The following CHRNA7 variants were observed in gnomAD, a reference collection of about 807,000 sequenced individuals.
CHRNA7 encodes neuronal acetylcholine receptor subunit alpha-7.
In CHRNA7, 17 loss-of-function variants were observed where a neutral mutation model predicts 48.0. The observed-to-expected ratio is 0.35, with a 90% CI of 0.24 to 0.53. CHRNA7 has a LOEUF of 0.53. Among genes scored for constraint, CHRNA7 ranks in the 20% least tolerant of loss-of-function variants. CHRNA7 has a pLI of 0.92. For synonymous variants in CHRNA7, 75 were observed against 242.3 expected (o/e 0.31, Z 6.41); for missense variants, 155 against 577.7 (o/e 0.27, Z 7.50).
In CHRNA7 at chr15:32,061,055, T is replaced by C. The variant is rs149429089; in HGVS notation, c.195+30018T>C. On this transcript the variant is annotated intron_variant, in intron 2 of 9. Transcript: ENST00000306901. ...TGGCAGCCCTGTTTCACAATAAGCATGTTATCTCACTCAGTCCTTGTGGCA... is the reference window on the plus strand; with the variant it reads ...TGGCAGCCCTGTTTCACAATAAGCACGTTATCTCACTCAGTCCTTGTGGCA... Among the ~76,000 whole-genome samples, 597 of 152,320 alleles carry C rather than the reference T, an allele frequency of 3.9e-3. 4 individuals are homozygous for C. Among genetic ancestry groups the C allele is most frequent in the African/African-American group, 0.013 (521 of 41,570 alleles).
chr15:32,142,354 T>C (rs1033081973), intron 4 of CHRNA7, among the ~76,000 whole-genome samples: 2 of 152,238 alleles, frequency 1.3e-5, no homozygotes, highest in African/African-American at 4.8e-5. Context: ...GCATCAATGC[T>C]CCTCAGGGAT....
At chr15:32,133,654 G>A (rs1326075640) in intron 4 of CHRNA7, among the ~76,000 whole-genome samples, 1 of 152,206 alleles carries the variant, frequency 6.6e-6, no homozygotes, top group African/African-American at 2.4e-5. Flanking sequence ...GTTTTAGGCT[G>A]TGCTCAGTCA....
chr15:32,133,149 GAATA>G (rs2051185286), intron 4 of CHRNA7, among the ~76,000 whole-genome samples: 1 of 152,216 alleles, frequency 6.6e-6, no homozygotes, highest in Non-Finnish European at 1.5e-5. Context: ...CACCCATGAT[GAATA>G]GTCCTTGTGT....
chr15:32,096,858 A>G (rs2050477706), intron 2 of CHRNA7, among the ~76,000 whole-genome samples: 1 of 152,224 alleles, frequency 6.6e-6, no homozygotes, highest in South Asian at 2.1e-4. Flanking sequence ...AAGAGCTCAG[A>G]TGGAAAAAGA....
At chr15:32,064,382 C>T (rs932486051) in intron 2 of CHRNA7, among the ~76,000 whole-genome samples, 1 of 152,004 alleles carries the variant, frequency 6.6e-6, no homozygotes, top group African/African-American at 2.4e-5. Context: ...TTGTCTGCAT[C>T]CTCAAAGTCC....
chr15:32,041,103 A>C (rs1031565083), intron 2 of CHRNA7, among the ~76,000 whole-genome samples: 4 of 152,026 alleles, frequency 2.6e-5, no homozygotes, highest in Admixed American at 1.3e-4. Flanking sequence ...ATCTTTGTTT[A>C]TAGTTTGAAA....
At chr15:32,038,663 C>T (rs1247602669) in intron 2 of CHRNA7, among the ~76,000 whole-genome samples, 1 of 152,206 alleles carries the variant, frequency 6.6e-6, no homozygotes, top group Non-Finnish European at 1.5e-5. Context: ...GCCACCACAA[C>T]GTGCTAATAT....
At chr15:32,150,951 G>T (rs530041366) in intron 4 of CHRNA7, among the ~76,000 whole-genome samples, 3 of 152,010 alleles carry the variant, frequency 2.0e-5, no homozygotes, top group African/African-American at 4.8e-5. Context: ...AAGTAAGGGG[G>T]GGGGATGTGT....
chr15:32,059,913 C>T (rs1341554384), intron 2 of CHRNA7, among the ~76,000 whole-genome samples: 1 of 105,760 alleles, frequency 9.5e-6, no homozygotes, highest in Non-Finnish European at 1.7e-5. Flanking sequence ...TGATTAGTAT[C>T]CTAAGATCTC....
intron 4 of CHRNA7, among the ~76,000 whole-genome samples, chr15:32,128,698 T>C (rs1178783184): frequency 6.6e-6 from 1 of 151,818 alleles, no homozygotes; most frequent in Non-Finnish European, 1.5e-5. Context: ...ACATAGACCA[T>C]CATGTCACCT....
intron 2 of CHRNA7, among the ~76,000 whole-genome samples, chr15:32,071,127 T>C (rs1439329827): frequency 2.0e-5 from 3 of 152,184 alleles, no homozygotes; most frequent in Admixed American, 6.5e-5. Flanking sequence ...CTAGAGTCTT[T>C]ATTCTGTTTC....
At chr15:32,111,041 G>A (rs1040465307) in intron 3 of CHRNA7, 1 of 152,194 alleles carries the variant, frequency 6.6e-6, no homozygotes, top group Non-Finnish European at 1.5e-5. Flanking sequence ...GATCCCACCC[G>A]AGCATCCTCT....
At position 32,094,699 on chromosome 15, in the gene CHRNA7, C is replaced by T. The variant is rs112911325; in HGVS notation, c.196-6604C>T. 1.1e-4 allele frequency among the ~76,000 whole-genome samples: 16 copies of T among 151,658 alleles called. 1 individual carries two copies. The highest frequency in any genetic ancestry group is 7.2e-4 in the Admixed American group (11 of 15,248). Reference sequence around the variant, plus strand: ...TTTTTGAGACAGAGTCTTACTCTGTCGCCCAGGCTGGAGTGCAGTGGCACG... The same window carrying T: ...TTTTTGAGACAGAGTCTTACTCTGTTGCCCAGGCTGGAGTGCAGTGGCACG... On this transcript the variant is annotated intron_variant, in intron 2 of 9. Coordinates refer to ENST00000306901, the MANE Select transcript of CHRNA7 (RefSeq NM_000746.6).
intron 4 of CHRNA7, among the ~76,000 whole-genome samples, chr15:32,141,113 G>A (rs2051370342): frequency 6.6e-6 from 1 of 152,122 alleles, no homozygotes; most frequent in Non-Finnish European, 1.5e-5. Flanking sequence ...GTGTAAGGAA[G>A]GGATCCAGTT....
At chr15:32,090,612 A>G (rs556326840) in intron 2 of CHRNA7, among the ~76,000 whole-genome samples, 124 of 152,204 alleles carry the variant, frequency 8.1e-4, no homozygotes, top group Non-Finnish European at 1.4e-3. Flanking sequence ...CTGCAGCAGC[A>G]GTCCCTCCTG....
intron 2 of CHRNA7, among the ~76,000 whole-genome samples, chr15:32,088,805 T>C (rs2050339350): frequency 6.6e-6 from 1 of 152,242 alleles, no homozygotes; most frequent in Non-Finnish European, 1.5e-5. Context: ...TTCTTTCCTA[T>C]ATTTTGAATA....
chr15:32,095,777 A>C (rs2050458889), intron 2 of CHRNA7, among the ~76,000 whole-genome samples: 1 of 152,250 alleles, frequency 6.6e-6, no homozygotes, highest in Admixed American at 6.5e-5. Flanking sequence ...CCATACTTTG[A>C]AAACTTCTGT....
chr15:32,111,890 T>C lies in CHRNA7; in HGVS notation c.341T>C (p.Leu114Pro). 1 of 1,592,284 alleles carries C rather than the reference T, an allele frequency of 6.3e-7. No homozygotes were observed. The highest frequency in any genetic ancestry group is 8.6e-7 in the Non-Finnish European group (1 of 1,160,020). ...DGQIWKPDIL[L>P]YNSADERFDA... is the part of the protein sequence containing the mutation. ...CAGATTTGGAAACCAGACATTCTTC[T>C]CTATAACAGGTAAGCATATTGAACA... The change falls in exon 4 of 10, where the codon CTC (leucine) becomes CCC (proline). Residue 114 changes from leucine to proline, a missense_variant. Leu to Pro is a moderately conservative substitution (Grantham distance 98). Transcript: ENST00000306901.
At chr15:32,083,957 C>G (rs754478450) in intron 2 of CHRNA7, among the ~76,000 whole-genome samples, 1 of 152,126 alleles carries the variant, frequency 6.6e-6, no homozygotes, top group African/African-American at 2.4e-5. Flanking sequence ...TAGCACCTCA[C>G]TATTCATCAG....
Sources: gnomAD v4.1 joint callset for allele counts (sites outside exome capture counted in the v4.1 genomes callset) on GRCh38, gnomAD v4.1.1 for gene constraint, MANE v1.5 for transcripts, NCBI Gene and HGNC (gene_info 2026-07-23, HGNC 2026-07-21) for gene names.